The following SYNE2 variants were observed in gnomAD, a reference collection of about 807,000 sequenced individuals.
SYNE2 encodes nesprin-2.
Under a neutral mutation model 856.3 loss-of-function variants are expected in SYNE2, and 431 were observed. That is an observed-to-expected ratio of 0.50 (90% CI 0.47 to 0.55). SYNE2 has a LOEUF of 0.55. SYNE2 is among the 20% of genes least tolerant of loss of function. SYNE2 has a pLI of 0.00. For missense variants in SYNE2, 8,129 were observed against 8,023.2 expected, an observed-to-expected ratio of 1.01 and a Z score of -0.50; for synonymous variants, 2,923 against 2,872.3, an observed-to-expected ratio of 1.02 and a Z score of -0.56.
At chr14:64,210,939 G>A (rs1567655965) in intron 103 of SYNE2, among the ~76,000 whole-genome samples, 1 of 151,222 alleles carries the variant, frequency 6.6e-6, no homozygotes, top group African/African-American at 2.4e-5. Flanking sequence ...CTCCCTTCCT[G>A]TCTCTCTCTC....
At position 63,785,950 on chromosome 14, in the gene SYNE2, A is replaced by T. The variant is rs549221717; in HGVS notation, c.-305+23964A>T. On this transcript the variant is annotated intron_variant, in intron 1 of 23. Transcript: ENST00000674003. The stretch of plus-strand genomic sequence containing the variant: ...GCCATACCCCATCTATACAACCAAA[A>T]TTTAAAAATTAGCTGGGCAGCCGGG... Among the ~76,000 whole-genome samples the T allele has an allele frequency of 1.5e-4, 23 of 152,210 alleles. No homozygotes were observed. The South Asian group carries it at 4.8e-3, about 32-fold the overall frequency.
At chr14:63,992,242 G>GAA (rs34907122) in intron 21 of SYNE2, among the ~76,000 whole-genome samples, 7 of 147,660 alleles carry the variant, frequency 4.7e-5, no homozygotes, top group Admixed American at 2.0e-4. Context: ...AAAAGAGAAG[G>GAA]AAAAAAAAAA....
Position 64,081,503 on chromosome 14 carries a change from A to G in SYNE2, c.11407A>G (p.Asn3803Asp). The change falls in exon 57 of 116, where the codon AAT (asparagine) becomes GAT (aspartate). Residue 3803 changes from asparagine to aspartate, a missense_variant. Asn to Asp is a conservative substitution (Grantham distance 23). Transcript: ENST00000555002. ...GAAGAGCACTGAGGCTTGGATAGAA[A>G]ATACCAGTCATTTGCTGGCCAATCC... Reference protein sequence around the residue: ...LLKSTEAWIENTSHLLANPAD... With the variant: ...LLKSTEAWIEDTSHLLANPAD... 1 of 1,614,194 alleles carries G rather than the reference A, an allele frequency of 6.2e-7. No homozygotes were observed. The highest frequency in any genetic ancestry group is 8.5e-7 in the Non-Finnish European group (1 of 1,180,028).
chr14:63,976,931 G>A (rs1308097452), intron 12 of SYNE2, among the ~76,000 whole-genome samples: 2 of 149,764 alleles, frequency 1.3e-5, no homozygotes, highest in Non-Finnish European at 3.0e-5. Flanking sequence ...AAACAATTAG[G>A]ATAGAATCTA....
In SYNE2 at chr14:64,129,827, G is replaced by A. The variant is rs1190861258; in HGVS notation, c.14065G>A (p.Val4689Met). Residue 4689 changes from valine (V) to methionine (M), a missense_variant, in exon 75 of 116, where the codon GTG becomes ATG. Val to Met is a conservative substitution (Grantham distance 21). Coordinates refer to ENST00000555002, the MANE Select transcript of SYNE2 (RefSeq NM_182914.3). ...GGAGCTGGAGAACGCCGAGAGCCGA[G>A]TGGCCAAACTAAGAGATGAAGGGGA... is the stretch of plus-strand genomic sequence containing the variant. ...TVELENAESR[V>M]AKLRDEGERL... is the part of the protein sequence containing the mutation. The A allele has an allele frequency of 6.2e-7, 1 of 1,614,192 alleles. No homozygotes were observed. The highest frequency in any genetic ancestry group is 1.3e-5 in the African/African-American group (1 of 75,050).
rs780034696 is a variant in SYNE2, at chr14:64,156,460, CT to C, written c.15793-2153del. Among the ~76,000 whole-genome samples the C allele has an allele frequency of 6.9e-4, 100 of 144,560 alleles. No homozygotes were observed. In the South Asian group the frequency reaches 7.5e-3, roughly 11 times the overall value. The allele number at this position is 144,560 out of a possible 152,430, so 94.8% of individuals were successfully genotyped here. On this transcript the variant is annotated intron_variant, in intron 85 of 115. Coordinates refer to ENST00000555002, the MANE Select transcript of SYNE2 (RefSeq NM_182914.3). ...TCTTCTTTATTTTCTTTTTTCTTTC[CT>C]TTTTTTTTTTTGTGGAGACAGAGTT...
chr14:64,097,394 G>T (rs942545068), intron 61 of SYNE2, among the ~76,000 whole-genome samples: 1 of 152,104 alleles, frequency 6.6e-6, no homozygotes, highest in African/African-American at 2.4e-5. Flanking sequence ...GATAATAAAA[G>T]AATGAGATTT....
intron 1 of SYNE2, among the ~76,000 whole-genome samples, chr14:63,803,556 G>A (rs1252483248): frequency 2.6e-5 from 4 of 152,224 alleles, no homozygotes; most frequent in Non-Finnish European, 4.4e-5. Context: ...CGGCTGCTCC[G>A]AGTGCGGGGC....
chr14:64,026,726 C>A lies in SYNE2; in HGVS notation c.6400C>A (p.Leu2134Ile), dbSNP rs1348532505. 6.2e-7 allele frequency: 1 copy of A among 1,606,714 alleles called. No individual in the cohort carries two copies. Among genetic ancestry groups the A allele is most frequent in the African/African-American group, 1.3e-5 (1 of 74,952 alleles). Reference protein sequence around the residue: ...DNTLHLASTYLSHQEKLLLEG... With the variant: ...DNTLHLASTYISHQEKLLLEG... ...CACACTCCATTTAGCTAGCACCTAC[C>A]TAAGGTAAAGGGCATGCCTGCACCA... The change falls in exon 42 of 116, where the codon CTA (leucine) becomes ATA (isoleucine). Residue 2134 changes from leucine (L) to isoleucine (I), a missense_variant. Around this residue, in one of 3 missense-constraint regions of SYNE2, gnomAD observed 297 missense variants for 380.9 expected, o/e 0.78. Coordinates refer to ENST00000555002, the MANE Select transcript of SYNE2 (RefSeq NM_182914.3).
chr14:64,201,990 T>G (rs1216439774), intron 99 of SYNE2, among the ~76,000 whole-genome samples: 2 of 152,178 alleles, frequency 1.3e-5, no homozygotes, highest in African/African-American at 2.4e-5. Flanking sequence ...AGAAAAAGAT[T>G]GTTTTCCCCC....
chr14:64,028,337 C>A (rs976868306), intron 43 of SYNE2, among the ~76,000 whole-genome samples: 3 of 151,798 alleles, frequency 2.0e-5, no homozygotes, highest in Admixed American at 1.3e-4. Flanking sequence ...TTCACTGCAG[C>A]CTCGAACTCC....
chr14:64,097,625 C>T lies in SYNE2; in HGVS notation c.12109-324C>T, dbSNP rs562373626. Among the ~76,000 whole-genome samples the T allele has an allele frequency of 2.7e-4, 41 of 152,350 alleles. No homozygotes were observed. The East Asian group carries it at 3.3e-3, about 12-fold the overall frequency. ...TCAGTCCTGTAGCTGGCCACTAGAG[C>T]GGTAGCTCCCAACCCTGGCCGCACA... On this transcript the variant is annotated intron_variant, in intron 61 of 115. Transcript: ENST00000555002.
intron 45 of SYNE2, among the ~76,000 whole-genome samples, chr14:64,037,945 C>T (rs1388935351): frequency 1.3e-5 from 2 of 150,626 alleles, no homozygotes; most frequent in South Asian, 2.1e-4. Context: ...GGGGGCTGAC[C>T]CCCCCACCTC....
intron 11 of SYNE2, 29 bp from the exon 12 acceptor site, chr14:63,976,534 T>C: frequency 1.9e-6 from 3 of 1,558,152 alleles, no homozygotes; most frequent in Non-Finnish European, 2.6e-6. Context: ...TACTGAAGAA[T>C]ATGTTCTTTT....
In SYNE2 at chr14:63,887,229, C is replaced by T. The variant is rs1043809521; in HGVS notation, c.-51-21869C>T. Among the ~76,000 whole-genome samples the T allele has an allele frequency of 5.3e-5, 8 of 151,700 alleles. No homozygotes were observed. In the South Asian group the frequency reaches 1.0e-3, roughly 20 times the overall value. On this transcript the variant is annotated intron_variant, in intron 1 of 115. Transcript: ENST00000555002. Reference sequence around the variant, plus strand: ...TGGGGAGGCGGAGGTTGCAGTGAGCCGAGATCGCACCACTGCATTCCAGCT... The same window carrying T: ...TGGGGAGGCGGAGGTTGCAGTGAGCTGAGATCGCACCACTGCATTCCAGCT...
intron 94 of SYNE2, among the ~76,000 whole-genome samples, chr14:64,172,692 G>A (rs1247089409): frequency 6.6e-6 from 1 of 152,144 alleles, no homozygotes; most frequent in East Asian, 1.9e-4. Flanking sequence ...AACACTTTGG[G>A]AGGCCGAGGT....
Position 63,967,784 on chromosome 14 carries a change from C to G in SYNE2, c.1066C>G (p.Leu356Val), listed in dbSNP as rs2096414835. The G allele has an allele frequency of 2.5e-6, 4 of 1,613,930 alleles. No homozygotes were observed. Among genetic ancestry groups the G allele is most frequent in the African/African-American group, 1.3e-5 (1 of 74,906 alleles). The change falls in exon 11 of 116, where the codon CTG becomes GTG. Residue 356 changes from leucine (L) to valine (V), a missense_variant. By Grantham distance (32) the Leu-to-Val change is conservative (BLOSUM62 1). Transcript: ENST00000555002. ...GGATGTCCTGTCAATAAAACGGGAT[C>G]TGGATGAGCTGGACAAGGATCATTT... ...FLDVLSIKRDLDELDKDHLQL... is the reference protein window; with the variant it reads ...FLDVLSIKRDVDELDKDHLQL...
At chr14:64,089,469 A>G in intron 58 of SYNE2, 105 bp from the exon 59 acceptor site, 1 of 1,082,722 alleles carries the variant, frequency 9.2e-7, no homozygotes, top group Non-Finnish European at 1.3e-6. Context: ...TAGATGGCAG[A>G]CATTATTTGG....
chr14:63,813,614 G>A (rs1888703177), intron 1 of SYNE2, among the ~76,000 whole-genome samples: 1 of 152,182 alleles, frequency 6.6e-6, no homozygotes, highest in African/African-American at 2.4e-5. Context: ...ACAAAATGGT[G>A]AAACCCCATC....
Sources: gnomAD v4.1 joint callset for allele counts (sites outside exome capture counted in the v4.1 genomes callset) on GRCh38, gnomAD v4.1.1 for gene constraint, gnomAD v4.1.1 regional missense constraint, MANE v1.5 for transcripts, NCBI Gene and HGNC (gene_info 2026-07-23, HGNC 2026-07-21) for gene names.